The following PHF20 variants were observed in gnomAD, a reference collection of about 807,000 sequenced individuals.
The protein encoded by PHF20 is glioma-expressed antigen 2.
In PHF20, 23 loss-of-function variants were observed where a neutral mutation model predicts 113.5. The observed-to-expected ratio is 0.20, with a 90% confidence interval of 0.15 to 0.29. PHF20 has a LOEUF of 0.29. Ranked by LOEUF, PHF20 falls within the 10% of genes least tolerant of loss-of-function variation. The pLI is 1.00. For missense variants in PHF20, 943 were observed against 1,219.6 expected (o/e 0.77, Z 3.38); for synonymous variants, 434 against 457.3 (o/e 0.95, Z 0.65).
intron 14 of PHF20, among the ~76,000 whole-genome samples, chr20:35,928,388 G>A (rs1202716424): frequency 5.8e-5 from 8 of 138,984 alleles, no homozygotes; most frequent in South Asian, 2.2e-4. Context: ...GCAGTGAGCC[G>A]AGATCATGCC....
At position 35,899,439 on chromosome 20, in the gene PHF20, A is replaced by G; in HGVS notation, c.1352A>G (p.Lys451Arg). Residue 451 changes from lysine to arginine, a missense_variant, in exon 10 of 18, where the codon AAG (lysine) becomes AGG (arginine). By Grantham distance (26) the Lys-to-Arg change is conservative. This residue lies in a region of PHF20 where 592 missense variants were observed against 787.2 expected (regional missense o/e 0.75). Transcript: ENST00000374012. ...SNAPAVDLDH[K>R]FRCKVVDCLK... is the part of the protein sequence containing the mutation. ...GCACCAGCTGTCGACCTAGACCATA[A>G]GTTTAGATGCAAAGTTGTGGACTGT... 6.2e-7 allele frequency: 1 copy of G among 1,614,164 alleles called. No homozygotes were observed. Among genetic ancestry groups the G allele is most frequent in the Non-Finnish European group, 8.5e-7 (1 of 1,179,984 alleles).
intron 2 of PHF20, among the ~76,000 whole-genome samples, chr20:35,831,383 A>T (rs961386207): frequency 6.6e-6 from 1 of 152,064 alleles, no homozygotes; most frequent in Non-Finnish European, 1.5e-5. Context: ...TCCCATACTG[A>T]TCTCAAACTC....
chr20:35,816,644 G>A (rs1017376206), intron 2 of PHF20, among the ~76,000 whole-genome samples: 11 of 151,738 alleles, frequency 7.2e-5, no homozygotes, highest in East Asian at 3.9e-4. Context: ...AGTAGAGTTC[G>A]GGTTTCACTG....
At chr20:35,815,201 A>G (rs2042050447) in intron 2 of PHF20, among the ~76,000 whole-genome samples, 1 of 152,158 alleles carries the variant, frequency 6.6e-6, no homozygotes, top group Admixed American at 6.6e-5. Flanking sequence ...TGTCCCCCGA[A>G]AAATTATAAA....
chr20:35,861,812 CT>C, intron 5 of PHF20, among the ~76,000 whole-genome samples: 1 of 151,914 alleles, frequency 6.6e-6, no homozygotes, highest in Non-Finnish European at 1.5e-5. Context: ...AAAATATTTC[CT>C]TGTTTATTAT....
At chr20:35,939,821 G>A (rs1358769530) in intron 16 of PHF20, among the ~76,000 whole-genome samples, 1 of 152,172 alleles carries the variant, frequency 6.6e-6, no homozygotes, top group Non-Finnish European at 1.5e-5. Context: ...GGTGTCACCA[G>A]TGTTAAATAC....
chr20:35,836,626 C>T lies in PHF20; in HGVS notation c.84-5947C>T, dbSNP rs113583936. 5.4e-3 allele frequency among the ~76,000 whole-genome samples: 823 copies of T among 151,772 alleles called. 2 individuals carry two copies. The highest frequency in any genetic ancestry group is 0.013 in the South Asian group (62 of 4,814). ...TTGGGAGGCCGAGGCGGGCGGATCA[C>T]GAGGTCAGGAGATCGAGACCATCCT... On this transcript the variant is annotated intron_variant, in intron 2 of 17. Transcript: ENST00000374012.
rs56189104 is a variant in PHF20 at position 35,793,995 on chromosome 20, C to CAAAAAAAAAAAA, written c.-32-7485_-32-7474dup. On this transcript the variant is annotated intron_variant, in intron 1 of 17. Transcript: ENST00000374012. ...GGGCGACAAGAGCGGGACTCTGTCT[C>CAAAAAAAAAAAA]AAAAAAAAAAAAAAAAAAAAAAGGC... is the stretch of plus-strand genomic sequence containing the variant. Among the ~76,000 whole-genome samples the CAAAAAAAAAAAA allele has an allele frequency of 2.5e-3, 86 of 33,832 alleles. 4 individuals are homozygous for CAAAAAAAAAAAA. The highest frequency in any genetic ancestry group is 4.7e-3 in the African/African-American group (37 of 7,880). 22.2% of individuals were successfully genotyped at this position (33,832 alleles called of 152,430 possible). A position where few individuals can be genotyped will look rare whatever the true frequency, so the allele number is the denominator to read the frequency against.
Position 35,920,970 on chromosome 20 carries a change from T to C in PHF20, c.2004+3308T>C, listed in dbSNP as rs188047015. The stretch of plus-strand genomic sequence containing the variant: ...CAGCAATAGTTTTGAAAGTTCAAAA[T>C]GGATAATCTTTACTTGTGAGGTCGG... On this transcript the variant is annotated intron_variant, in intron 13 of 17. Coordinates refer to ENST00000374012, the MANE Select transcript of PHF20 (RefSeq NM_016436.5). Among the ~76,000 whole-genome samples, 342 of 152,362 alleles carry C rather than the reference T, an allele frequency of 2.2e-3. 7 individuals carry two copies. In the South Asian group the frequency reaches 0.047, roughly 21 times the overall value.
Position 35,791,003 on chromosome 20 carries a change from C to T in PHF20, c.-32-10488C>T, listed in dbSNP as rs188035554. The stretch of plus-strand genomic sequence containing the variant: ...CCTCCTGAGTAGCTGGAATTACAGG[C>T]GTGTGCCACCATGCCCGGCTAATTT... On this transcript the variant is annotated intron_variant, in intron 1 of 17. Transcript: ENST00000374012. 1.4e-4 allele frequency among the ~76,000 whole-genome samples: 21 copies of T among 152,176 alleles called. No homozygotes were observed. In the East Asian group the frequency reaches 3.7e-3, roughly 27 times the overall value.
At chr20:35,877,307 T>G (rs866710009) in intron 9 of PHF20, among the ~76,000 whole-genome samples, 74 of 96,364 alleles carry the variant, frequency 7.7e-4, no homozygotes, top group African/African-American at 1.2e-3. Context: ...AAAAAAAGAG[T>G]GAGACTCCAT....
At chr20:35,900,175 A>G (rs1228867506) in intron 10 of PHF20, among the ~76,000 whole-genome samples, 1 of 152,242 alleles carries the variant, frequency 6.6e-6, no homozygotes, top group Non-Finnish European at 1.5e-5. Flanking sequence ...TCATTTTATA[A>G]CTTATTACAG....
At chr20:35,909,454 C>T (rs1333211292) in intron 10 of PHF20, among the ~76,000 whole-genome samples, 1 of 151,922 alleles carries the variant, frequency 6.6e-6, no homozygotes, top group African/African-American at 2.4e-5. Flanking sequence ...GGTAGTCAAA[C>T]TGTGTAAAAA....
In PHF20 at chr20:35,871,525, G is replaced by C. The variant is rs968377466; in HGVS notation, c.1103-125G>C. On this transcript the variant is annotated intron_variant, in intron 8 of 17. Coordinates refer to ENST00000374012, the MANE Select transcript of PHF20 (RefSeq NM_016436.5). ...TATGTATGGGAACCTGTGAATGTATGCTTTTATGTTTTAGATTAATTCCTT... is the reference window on the plus strand; with the variant it reads ...TATGTATGGGAACCTGTGAATGTATCCTTTTATGTTTTAGATTAATTCCTT... 1.6e-5 allele frequency: 12 copies of C among 729,650 alleles called. No individual in the cohort carries two copies. In the African/African-American group the frequency reaches 2.2e-4, roughly 13 times the overall value. The allele number at this position is 729,650 out of a possible 1,614,324, so 45.2% of individuals were successfully genotyped here.
intron 1 of PHF20, among the ~76,000 whole-genome samples, chr20:35,800,412 C>T (rs1384890195): frequency 3.4e-4 from 2 of 5,886 alleles, no homozygotes; most frequent in East Asian, 0.091. Context: ...GCGACAAGAG[C>T]GAGACTCCTC....
At chr20:35,932,386 T>C (rs188633781) in intron 15 of PHF20, among the ~76,000 whole-genome samples, 23 of 151,056 alleles carry the variant, frequency 1.5e-4, no homozygotes, top group Admixed American at 6.0e-4. Flanking sequence ...TTGTTTTTAA[T>C]TGCTGTAAGA....
At chr20:35,809,421 G>C (rs1354879521) in intron 2 of PHF20, among the ~76,000 whole-genome samples, 1 of 151,576 alleles carries the variant, frequency 6.6e-6, no homozygotes, top group African/African-American at 2.4e-5. Flanking sequence ...TCTACTAAAA[G>C]TACAAAAATC....
chr20:35,817,472 C>T (rs1297228160), intron 2 of PHF20, among the ~76,000 whole-genome samples: 2 of 151,232 alleles, frequency 1.3e-5, no homozygotes, highest in African/African-American at 2.4e-5. Flanking sequence ...CAGGCGTGAG[C>T]CACCACGCCA....
At chr20:35,902,443 C>T (rs1032329788) in intron 10 of PHF20, among the ~76,000 whole-genome samples, 5 of 152,132 alleles carry the variant, frequency 3.3e-5, no homozygotes, top group African/African-American at 9.7e-5. Context: ...ATTGAGGGAC[C>T]CATGGAAGTC....
Sources: allele counts gnomAD v4.1 joint callset (sites outside exome capture counted in the v4.1 genomes callset), GRCh38; gene constraint gnomAD v4.1.1; regional missense constraint gnomAD v4.1.1; transcripts MANE v1.5; gene names NCBI Gene and HGNC (gene_info 2026-07-23, HGNC 2026-07-21).